Variants in BPTF observed in about 807,000 individuals in gnomAD.
BPTF encodes bromodomain PHD finger transcription factor, also known as nucleosome-remodeling factor subunit BPTF.
In BPTF, 18 loss-of-function variants were observed where a neutral mutation model predicts 292.5. That is an observed-to-expected ratio of 0.06 (90% CI 0.04 to 0.09). BPTF has a LOEUF of 0.09. BPTF is among the 10% of genes least tolerant of loss of function. The pLI is 1.00. For missense variants in BPTF, 2,726 were observed against 3,498.7 expected, an observed-to-expected ratio of 0.78 and a Z score of 5.57; for synonymous variants, 1,225 against 1,251.9, an observed-to-expected ratio of 0.98 and a Z score of 0.45.
chr17:67,929,762 C>CT (rs2064204185), intron 17 of BPTF, among the ~76,000 whole-genome samples: 4 of 152,116 alleles, frequency 2.6e-5, no homozygotes, highest in Admixed American at 2.6e-4. Flanking sequence ...TTATGTAAAA[C>CT]AGTGGACAGC....
At chr17:67,889,584 G>C (rs1220956380) in intron 4 of BPTF, among the ~76,000 whole-genome samples, 1 of 152,110 alleles carries the variant, frequency 6.6e-6, no homozygotes, top group Non-Finnish European at 1.5e-5. Flanking sequence ...GAGACGGGTG[G>C]ATCACTGGAG....
intron 27 of BPTF, among the ~76,000 whole-genome samples, chr17:67,980,355 A>T (rs189317862): frequency 1.7e-3 from 253 of 152,312 alleles, no homozygotes; most frequent in Non-Finnish European, 2.8e-3. Flanking sequence ...AAAGAAAAAT[A>T]CATCTACCCA....
chr17:67,898,068 A>G (rs1342513278), intron 7 of BPTF, among the ~76,000 whole-genome samples: 1 of 152,204 alleles, frequency 6.6e-6, no homozygotes, highest in Admixed American at 6.5e-5. Context: ...ATACCATACT[A>G]TTTTAAGAAG....
At chr17:67,945,116 G>A (rs1166175833) in intron 20 of BPTF, among the ~76,000 whole-genome samples, 1 of 152,160 alleles carries the variant, frequency 6.6e-6, no homozygotes, top group Admixed American at 6.5e-5. Flanking sequence ...GCTTACTGTA[G>A]CCTTGAACTC....
intron 7 of BPTF, among the ~76,000 whole-genome samples, chr17:67,898,879 A>G (rs929016894): frequency 1.4e-5 from 2 of 145,198 alleles, no homozygotes; most frequent in African/African-American, 5.1e-5. Flanking sequence ...CCATAATTGC[A>G]CCACTGCACT....
At chr17:67,885,916 CA>C (rs957879623) in intron 4 of BPTF, among the ~76,000 whole-genome samples, 3 of 151,780 alleles carry the variant, frequency 2.0e-5, no homozygotes, top group South Asian at 4.2e-4. Context: ...CTCACCCCCC[CA>C]AAAAAAGTCA....
chr17:67,943,219 T>A (rs572016155), intron 19 of BPTF, among the ~76,000 whole-genome samples: 1 of 152,322 alleles, frequency 6.6e-6, no homozygotes, highest in Non-Finnish European at 1.5e-5. Flanking sequence ...AATTTTTAAA[T>A]TATACTTGGT....
chr17:67,937,013 T>A (rs1484154984), intron 18 of BPTF, among the ~76,000 whole-genome samples: 2 of 152,340 alleles, frequency 1.3e-5, no homozygotes, highest in East Asian at 3.9e-4. Flanking sequence ...CAAATGGCCA[T>A]GGTTATAAAC....
chr17:67,929,021 A>T, intron 16 of BPTF: 1 of 1,211,526 alleles, frequency 8.3e-7, no homozygotes. Context: ...GTTCCAAATT[A>T]CAGGCAATCC....
At chr17:67,877,295 C>T (rs910179050) in intron 4 of BPTF, among the ~76,000 whole-genome samples, 5 of 152,160 alleles carry the variant, frequency 3.3e-5, no homozygotes, top group African/African-American at 7.2e-5. Context: ...CTGTGGCTCT[C>T]TATGCAGTTA....
chr17:67,929,471 C>A lies in BPTF; in HGVS notation c.6134C>A (p.Thr2045Asn), dbSNP rs367663793. The A allele has an allele frequency of 8.1e-6, 13 of 1,613,962 alleles. No homozygotes were observed. Among genetic ancestry groups the A allele is most frequent in the Non-Finnish European group, 1.1e-5 (13 of 1,180,002 alleles). The change falls in exon 17 of 28, where the codon ACC becomes AAC. Residue 2045 changes from threonine (T) to asparagine (N), a missense_variant. Around this residue, in one of 22 missense-constraint regions of BPTF, gnomAD observed 570 missense variants for 633.5 expected, o/e 0.90. Transcript: ENST00000306378. ...IRPNTSGSGG[T>N]TSNSQVITGP... ...CCCAATACCTCAGGCTCTGGAGGAACCACAAGCAATTCACAAGTAAGAATT... is the reference window on the plus strand; with the variant it reads ...CCCAATACCTCAGGCTCTGGAGGAAACACAAGCAATTCACAAGTAAGAATT...
At position 67,945,464 on chromosome 17, in the gene BPTF, C is replaced by T. The variant is rs782651665; in HGVS notation, c.6756C>T (p.Asp2252=). The change falls in exon 21 of 28, where the codon GAC becomes GAT. Residue 2252 remains aspartate, a synonymous_variant. Coordinates refer to ENST00000306378, the MANE Select transcript of BPTF (RefSeq NM_182641.4). The stretch of plus-strand genomic sequence containing the variant: ...CACCCCAGATGCAGGTACATCAAGA[C>T]AAAACCCTGCCACCAGCTCAGTCAT... ...KLSPQMQVHQ[D]KTLPPAQSSS... The T allele has an allele frequency of 1.2e-5, 20 of 1,613,960 alleles. No individual in the cohort carries two copies. Among genetic ancestry groups the T allele is most frequent in the Non-Finnish European group, 1.5e-5 (18 of 1,180,010 alleles).
In BPTF at chr17:67,911,563, G is replaced by A; in HGVS notation, c.3679G>A (p.Gly1227Ser). Reference sequence around the variant, plus strand: ...TAAACTAGCCAGTGCAGATGATATTGGTACTTTGATCTGTAAGAACAAAAA... The same window carrying A: ...TAAACTAGCCAGTGCAGATGATATTAGTACTTTGATCTGTAAGAACAAAAA... ...DSKLASADDI[G>S]TLICKNKKPL... The change falls in exon 11 of 28, where the codon GGT (glycine) becomes AGT (serine). Residue 1227 changes from glycine to serine, a missense_variant. Around this residue, in one of 22 missense-constraint regions of BPTF, gnomAD observed 713 missense variants for 714.9 expected, o/e 1.00. Transcript: ENST00000306378. 6.2e-7 allele frequency: 1 copy of A among 1,614,078 alleles called. No homozygotes were observed. The highest frequency in any genetic ancestry group is 1.7e-5 in the Admixed American group (1 of 59,996).
chr17:67,896,342 C>T (rs1169188526), intron 7 of BPTF, among the ~76,000 whole-genome samples: 4 of 151,470 alleles, frequency 2.6e-5, no homozygotes, highest in Admixed American at 6.6e-5. Flanking sequence ...CAACAAGTGT[C>T]GAGATTGAAT....
intron 19 of BPTF, among the ~76,000 whole-genome samples, chr17:67,941,979 A>G (rs1398921295): frequency 6.6e-6 from 1 of 152,176 alleles, no homozygotes; most frequent in Admixed American, 6.5e-5. Flanking sequence ...ATCAAGAAAG[A>G]AAAAAATCCA....
rs1164192622 is a variant in BPTF, at chr17:67,854,083, C to G, written c.757C>G (p.Leu253Val). 6.2e-7 allele frequency: 1 copy of G among 1,614,188 alleles called. No homozygotes were observed. The highest frequency in any genetic ancestry group is 8.5e-7 in the Non-Finnish European group (1 of 1,180,040). The change falls in exon 2 of 28, where the codon CTG (leucine) becomes GTG (valine). Residue 253 changes from leucine to valine, a missense_variant. Leu to Val is a conservative substitution (Grantham distance 32). Around this residue, in one of 22 missense-constraint regions of BPTF, gnomAD observed 102 missense variants for 212.6 expected, o/e 0.48. Transcript: ENST00000306378. This position sits in a 1 kb window ranked among gnomAD's most constrained non-coding sequence, Gnocchi z 5.6. ...GAATGTCATTGCCATTTACGAGGTA[C>G]TGCGGAACTTTGGCACTGTTTTGAG... Reference protein sequence around the residue: ...IMNVIAIYEVLRNFGTVLRLS... With the variant: ...IMNVIAIYEVVRNFGTVLRLS...
At position 67,832,268 on chromosome 17, in the gene BPTF, C is replaced by A. The variant is rs1278768314; in HGVS notation, c.613+5931C>A. Among the ~76,000 whole-genome samples the A allele has an allele frequency of 7.3e-4, 109 of 150,272 alleles. 1 individual carries two copies. Among genetic ancestry groups the A allele is most frequent in the South Asian group, 1.9e-3 (9 of 4,752 alleles). On this transcript the variant is annotated intron_variant, in intron 1 of 27. Coordinates refer to ENST00000306378, the MANE Select transcript of BPTF (RefSeq NM_182641.4). ...TGTTTCTTAATTTAAAAAAAAAAAA[C>A]CACTTATACATTAAAATGCACTTTA...
intron 26 of BPTF, among the ~76,000 whole-genome samples, chr17:67,971,207 T>A (rs2148519612): frequency 6.6e-6 from 1 of 152,274 alleles, no homozygotes; most frequent in African/African-American, 2.4e-5. Flanking sequence ...GCCTTCTGAG[T>A]ATCTGGGATT....
intron 26 of BPTF, among the ~76,000 whole-genome samples, chr17:67,970,256 G>A (rs1568215348): frequency 6.6e-6 from 1 of 151,458 alleles, no homozygotes; most frequent in Non-Finnish European, 1.5e-5. Flanking sequence ...AAAAAATTTA[G>A]CCAGGCATGG....
Sources: gnomAD v4.1 joint callset for allele counts (sites outside exome capture counted in the v4.1 genomes callset) on GRCh38, gnomAD v4.1.1 for gene constraint, gnomAD v4.1.1 regional missense constraint, Gnocchi (gnomAD v3.1) non-coding constraint, MANE v1.5 for transcripts, NCBI Gene and HGNC (gene_info 2026-07-23, HGNC 2026-07-21) for gene names.